The following OR1J2 variants were observed in gnomAD, a reference collection of about 807,000 sequenced individuals.
OR1J2 encodes olfactory receptor family 1 subfamily J member 2.
For missense variants in OR1J2, 304 were observed against 246.1 expected (o/e 1.24, Z -1.57); for synonymous variants, 142 against 99.7 (o/e 1.42, Z -2.52).
chr9:122,527,047 T>C, the OR1J2 span: 1 of 1,614,046 alleles, frequency 6.2e-7, no homozygotes, highest in Non-Finnish European at 8.5e-7. Context: ...CGAGTCTGTA[T>C]ATTCACCAGC....
chr9:122,527,665 C>A, the OR1J2 span, among the ~76,000 whole-genome samples: 1 of 152,146 alleles, frequency 6.6e-6, no homozygotes, highest in Non-Finnish European at 1.5e-5. Flanking sequence ...AGCCAAAAAA[C>A]CCACACAAAA....
chr9:122,505,446 A>T, the OR1J2 span, among the ~76,000 whole-genome samples: 4 of 152,176 alleles, frequency 2.6e-5, no homozygotes, highest in Non-Finnish European at 5.9e-5. Flanking sequence ...GGATAAATCC[A>T]TTCATAAGGG....
chr9:122,462,613 T>G, the OR1J2 span, among the ~76,000 whole-genome samples: 1 of 152,230 alleles, frequency 6.6e-6, no homozygotes, highest in African/African-American at 2.4e-5. Flanking sequence ...TAGTGTTGGC[T>G]TGGTAGTGGT....
the OR1J2 span, among the ~76,000 whole-genome samples, chr9:122,460,682 A>C: frequency 6.6e-6 from 1 of 152,038 alleles, no homozygotes; most frequent in African/African-American, 2.4e-5. Flanking sequence ...AATTGCATTG[A>C]ATTTGTAGAT....
chr9:122,538,173 G>A, the OR1J2 span, among the ~76,000 whole-genome samples: 1 of 150,134 alleles, frequency 6.7e-6, no homozygotes, highest in Non-Finnish European at 1.5e-5. Context: ...CCCCTGCCTG[G>A]TACAAGTTCC....
At chr9:122,552,523 T>C in the OR1J2 span, among the ~76,000 whole-genome samples, 227 of 152,130 alleles carry the variant, frequency 1.5e-3, no homozygotes, top group African/African-American at 5.1e-3. Flanking sequence ...AGTGGCTCCC[T>C]GTCCTATTTG....
the OR1J2 span, among the ~76,000 whole-genome samples, chr9:122,559,403 T>C: frequency 6.6e-6 from 1 of 152,292 alleles, no homozygotes; most frequent in Non-Finnish European, 1.5e-5. Flanking sequence ...GTTGCAACTA[T>C]CAACTGGTCA....
At chr9:122,513,444 C>T (rs193115476), downstream of OR1J2, among the ~76,000 whole-genome samples, 297 of 152,190 alleles carry the variant, frequency 2.0e-3, no homozygotes, top group African/African-American at 6.4e-3. Flanking sequence ...AGGCTTTGGG[C>T]GGGTGAAAAC....
chr9:122,450,246 C>T, the OR1J2 span, among the ~76,000 whole-genome samples: 7 of 152,074 alleles, frequency 4.6e-5, no homozygotes, highest in African/African-American at 9.7e-5. Context: ...GCCTAGGCAA[C>T]GTGGCGAAAC....
chr9:122,449,601 C>T, the OR1J2 span, among the ~76,000 whole-genome samples: 1 of 152,116 alleles, frequency 6.6e-6, no homozygotes, highest in African/African-American at 2.4e-5. Context: ...GATCTCCTGA[C>T]CTCGTGATCC....
chr9:122,571,094 A>T, the OR1J2 span, among the ~76,000 whole-genome samples: 1 of 152,152 alleles, frequency 6.6e-6, no homozygotes, highest in Non-Finnish European at 1.5e-5. Flanking sequence ...CTACAGAATT[A>T]CCCTCTTGCC....
the OR1J2 span, among the ~76,000 whole-genome samples, chr9:122,489,546 G>C: frequency 1.3e-5 from 2 of 152,108 alleles, no homozygotes; most frequent in African/African-American, 4.8e-5. Flanking sequence ...AGTGACGAGG[G>C]CCCTTTGCGA....
chr9:122,539,244 A>G, the OR1J2 span, among the ~76,000 whole-genome samples: 1 of 152,048 alleles, frequency 6.6e-6, no homozygotes, highest in African/African-American at 2.4e-5. Flanking sequence ...CATTAGGTAT[A>G]TCTCCTAATG....
At chr9:122,477,777 C>G in the OR1J2 span, 1 of 1,613,960 alleles carries the variant, frequency 6.2e-7, no homozygotes, top group Non-Finnish European at 8.5e-7. Context: ...GAGAGTCTAG[C>G]TGGATGAGCA....
the OR1J2 span, among the ~76,000 whole-genome samples, chr9:122,571,252 G>A: frequency 2.0e-5 from 3 of 152,138 alleles, no homozygotes; most frequent in Non-Finnish European, 1.5e-5. Flanking sequence ...CAATCAGGTG[G>A]GTAAAACTGG....
chr9:122,505,211 G>T, the OR1J2 span, among the ~76,000 whole-genome samples: 2 of 152,124 alleles, frequency 1.3e-5, no homozygotes, highest in Non-Finnish European at 2.9e-5. Context: ...TAAAGAAAAA[G>T]AATTTATTTC....
the OR1J2 span, among the ~76,000 whole-genome samples, chr9:122,566,187 G>C: frequency 6.6e-6 from 1 of 152,176 alleles, no homozygotes; most frequent in African/African-American, 2.4e-5. Context: ...TAAAGTAAAC[G>C]TGCCAAAATC....
At chr9:122,569,813 A>C in the OR1J2 span, among the ~76,000 whole-genome samples, 8 of 151,890 alleles carry the variant, frequency 5.3e-5, no homozygotes, top group Non-Finnish European at 1.2e-4. Flanking sequence ...ATATCTCCTA[A>C]AGCTATCCCT....
At chr9:122,519,695 C>T in the OR1J2 span, 1 of 1,614,112 alleles carries the variant, frequency 6.2e-7, no homozygotes, top group Non-Finnish European at 8.5e-7. Flanking sequence ...TTGCCCTACT[C>T]AAGCTCTCAT....
Sources: gnomAD v4.1 joint callset for allele counts (sites outside exome capture counted in the v4.1 genomes callset) on GRCh38, gnomAD v4.1.1 for gene constraint, MANE v1.5 for transcripts, NCBI Gene and HGNC (gene_info 2026-07-23, HGNC 2026-07-21) for gene names.